The following DLGAP4 variants were observed in gnomAD, a reference collection of about 807,000 sequenced individuals.
DLGAP4 encodes the protein disks large-associated protein 4.
In DLGAP4, 18 loss-of-function variants were observed where a neutral mutation model predicts 86.9. The observed-to-expected ratio is 0.21, with a 90% confidence interval of 0.14 to 0.31. The LOEUF is 0.31. Ranked by LOEUF, DLGAP4 falls within the 10% of genes least tolerant of loss-of-function variation. DLGAP4 has a pLI of 1.00. For synonymous variants in DLGAP4, 548 were observed against 574.3 expected, an observed-to-expected ratio of 0.95 and a Z score of 0.65; for missense variants, 1,085 against 1,362.6, an observed-to-expected ratio of 0.80 and a Z score of 3.21.
chr20:36,435,971 G>A (rs2033262581), intron 3 of DLGAP4, 138 bp from the exon 4 acceptor site: 1 of 1,313,516 alleles, frequency 7.6e-7, no homozygotes, highest in African/African-American at 1.5e-5. Context: ...GCTGCCCCGA[G>A]GTTTCAAAGG....
chr20:36,386,865 T>C lies in DLGAP4; in HGVS notation c.-73+19590T>C, dbSNP rs78763617. Among the ~76,000 whole-genome samples the C allele has an allele frequency of 8.7e-4, 133 of 152,364 alleles. 1 individual carries two copies. The East Asian group carries it at 0.016, about 18-fold the overall frequency. Reference sequence around the variant, plus strand: ...CTGAATGATTTTCTTACATAAATTATATCATAATCAATTAATATATTTGCA... The same window carrying C: ...CTGAATGATTTTCTTACATAAATTACATCATAATCAATTAATATATTTGCA... On this transcript the variant is annotated intron_variant, in intron 2 of 12. Coordinates refer to ENST00000339266, the MANE Select transcript of DLGAP4 (RefSeq NM_001365621.2).
chr20:36,506,983 T>C (rs963472488), intron 10 of DLGAP4, among the ~76,000 whole-genome samples: 10 of 152,242 alleles, frequency 6.6e-5, no homozygotes, highest in African/African-American at 1.9e-4. Flanking sequence ...CCATAGCATG[T>C]GTCACAATTC....
At chr20:36,509,971 C>T (rs2036598894) in intron 10 of DLGAP4, among the ~76,000 whole-genome samples, 1 of 151,698 alleles carries the variant, frequency 6.6e-6, no homozygotes, top group Non-Finnish European at 1.5e-5. Flanking sequence ...ATTCTCTTGT[C>T]CCAGCCTCCT....
At chr20:36,336,910 G>T (rs571629102) in intron 1 of DLGAP4, among the ~76,000 whole-genome samples, 2 of 152,314 alleles carry the variant, frequency 1.3e-5, no homozygotes, top group African/African-American at 2.4e-5. Context: ...CCCCCAGCCC[G>T]CACCCAGTCT....
intron 1 of DLGAP4, among the ~76,000 whole-genome samples, chr20:36,366,064 G>A (rs2030678075): frequency 6.6e-6 from 1 of 152,140 alleles, no homozygotes; most frequent in African/African-American, 2.4e-5. Context: ...TGGAATAGAG[G>A]GGCCTTTTTC....
chr20:36,376,718 A>T (rs372206693), intron 2 of DLGAP4, among the ~76,000 whole-genome samples: 1 of 152,118 alleles, frequency 6.6e-6, no homozygotes, highest in African/African-American at 2.4e-5. Context: ...CCCCAGGTGG[A>T]GCCCGCAGGG....
intron 1 of DLGAP4, among the ~76,000 whole-genome samples, chr20:36,321,614 G>T (rs2065169475): frequency 6.6e-6 from 1 of 152,264 alleles, no homozygotes; most frequent in Non-Finnish European, 1.5e-5. Flanking sequence ...CCGAGTCTAG[G>T]AGGGCTCAGT....
At chr20:36,462,884 G>A (rs957739216) in intron 7 of DLGAP4, among the ~76,000 whole-genome samples, 3 of 152,210 alleles carry the variant, frequency 2.0e-5, no homozygotes, top group African/African-American at 7.2e-5. Flanking sequence ...CTTTGTGATC[G>A]CTTGTGGGCA....
chr20:36,343,719 C>T (rs1292242236), intron 1 of DLGAP4, among the ~76,000 whole-genome samples: 2 of 152,194 alleles, frequency 1.3e-5, no homozygotes, highest in African/African-American at 4.8e-5. Context: ...ACAGGAGCAG[C>T]TTGGGTGCAT....
At chr20:36,463,688 C>G (rs892829823) in intron 7 of DLGAP4, among the ~76,000 whole-genome samples, 1 of 152,146 alleles carries the variant, frequency 6.6e-6, no homozygotes, top group Non-Finnish European at 1.5e-5. Flanking sequence ...AAGGGTGGGC[C>G]CTGCTTGGAC....
chr20:36,524,215 G>A (rs2037562282), intron 10 of DLGAP4, 35 bp from the exon 11 acceptor site: 2 of 1,571,376 alleles, frequency 1.3e-6, no homozygotes, highest in African/African-American at 1.4e-5. Flanking sequence ...CCTGTGCTGT[G>A]CTAAATCAGT....
intron 8 of DLGAP4, chr20:36,497,797 T>C (rs2035953100): frequency 1.0e-5 from 2 of 196,148 alleles, no homozygotes; most frequent in Non-Finnish European, 1.8e-5. Flanking sequence ...CACTCCTGCA[T>C]GCACCCGATG....
chr20:36,479,449 AAAAGT>A (rs1210438677), intron 7 of DLGAP4, among the ~76,000 whole-genome samples: 1 of 152,128 alleles, frequency 6.6e-6, no homozygotes, highest in Non-Finnish European at 1.5e-5. Context: ...GAGGAAGCAG[AAAAGT>A]AAAGAGGTTT....
chr20:36,489,739 T>C (rs2035576767), intron 7 of DLGAP4, among the ~76,000 whole-genome samples: 1 of 151,644 alleles, frequency 6.6e-6, no homozygotes, highest in Admixed American at 6.6e-5. Flanking sequence ...GGGAGGGGCC[T>C]GGCTGTGAAG....
rs1277143813 is a variant in DLGAP4 at position 36,317,237 on chromosome 20, TTCTTTCTTTCTTTC to T, written c.-304+10727_-304+10740del. The stretch of plus-strand genomic sequence containing the variant: ...TTCCTCTCCTTTTTTCTTTCTTTCT[TTCTTTCTTTCTTTC>T]TTTCTTTCTTTCTTTCTTTCTTTCT... On this transcript the variant is annotated intron_variant, in intron 1 of 12. Coordinates refer to ENST00000339266, the MANE Select transcript of DLGAP4 (RefSeq NM_001365621.2). 8.1e-5 allele frequency among the ~76,000 whole-genome samples: 4 copies of T among 49,534 alleles called. No individual in the cohort carries two copies. The East Asian group carries it at 1.7e-3, about 21-fold the overall frequency. The allele number at this position is 49,534 out of a possible 152,430, so 32.5% of individuals were successfully genotyped here.
intron 7 of DLGAP4, among the ~76,000 whole-genome samples, chr20:36,452,784 ACAGGCGTGAGCCACTGCGCTTGGCCT>A (rs979775474): frequency 2.0e-5 from 3 of 149,930 alleles, no homozygotes; most frequent in African/African-American, 7.4e-5. Context: ...TGTTGGGATT[ACAGGCGTGAGCCACTGCGCTTGGCCT>A]TTTTCTTGTG....
chr20:36,519,050 G>A (rs2037209024), intron 10 of DLGAP4, among the ~76,000 whole-genome samples: 2 of 151,706 alleles, frequency 1.3e-5, no homozygotes, highest in Non-Finnish European at 2.9e-5. Flanking sequence ...CCGGGAGGCA[G>A]AGGTTGCAGC....
intron 5 of DLGAP4, among the ~76,000 whole-genome samples, chr20:36,441,985 G>A (rs1271272112): frequency 6.6e-6 from 1 of 152,108 alleles, no homozygotes; most frequent in Non-Finnish European, 1.5e-5. Context: ...TCCTAGTCCA[G>A]GATCCTCTGA....
intron 2 of DLGAP4, among the ~76,000 whole-genome samples, chr20:36,429,563 C>G (rs2033075667): frequency 1.3e-5 from 2 of 151,750 alleles, no homozygotes. Flanking sequence ...ACACACCCCA[C>G]ACCCAGCTAA....
Sources: gnomAD v4.1 joint callset for allele counts (sites outside exome capture counted in the v4.1 genomes callset) on GRCh38, gnomAD v4.1.1 for gene constraint, MANE v1.5 for transcripts, NCBI Gene and HGNC (gene_info 2026-07-23, HGNC 2026-07-21) for gene names.